METTL22: variants seen among roughly 807,000 people sequenced by gnomAD.
The protein encoded by METTL22 is methyltransferase-like protein 22.
A neutral mutation model predicts 48.4 loss-of-function variants in METTL22; 51 were observed. The ratio of observed to expected loss-of-function variants is 1.05; its 90% confidence interval spans 0.84 to 1.33. The LOEUF is 1.33. Among genes scored for constraint, METTL22 ranks in the 40% most tolerant of loss-of-function variants. METTL22 has a pLI of 0.00. For synonymous variants in METTL22, 255 were observed against 214.1 expected (o/e 1.19, Z -1.67); for missense variants, 678 against 526.9 (o/e 1.29, Z -2.81).
At chr16:8,631,565 T>C (rs1297556454) in intron 3 of METTL22, 2 of 152,216 alleles carry the variant, frequency 1.3e-5, no homozygotes, top group Non-Finnish European at 2.9e-5. Flanking sequence ...ACGGATTCAG[T>C]GTTCCGTAAA....
At chr16:8,658,843 C>G in the METTL22 span, among the ~76,000 whole-genome samples, 1 of 152,174 alleles carries the variant, frequency 6.6e-6, no homozygotes, top group Non-Finnish European at 1.5e-5. Flanking sequence ...CCTCCAAGGC[C>G]TGGCCCCTGC....
At chr16:8,651,046 G>GA (rs1395840079), downstream of METTL22, among the ~76,000 whole-genome samples, 10 of 149,672 alleles carry the variant, frequency 6.7e-5, no homozygotes, top group South Asian at 8.4e-4. Context: ...TAAATAAATG[G>GA]GAAAAAAAGA....
chr16:8,649,887 G>T (rs2056868769), downstream of METTL22, among the ~76,000 whole-genome samples: 1 of 152,092 alleles, frequency 6.6e-6, no homozygotes, highest in South Asian at 2.1e-4. Flanking sequence ...AATCACTTGG[G>T]ATCTTGTCAA....
the METTL22 span, among the ~76,000 whole-genome samples, chr16:8,663,835 G>T: frequency 1.3e-5 from 2 of 151,962 alleles, no homozygotes; most frequent in Non-Finnish European, 2.9e-5. Context: ...AGGTTTCTCA[G>T]TCTCAGCACT....
intron 3 of METTL22, among the ~76,000 whole-genome samples, chr16:8,629,799 C>A (rs920902395): frequency 1.3e-5 from 2 of 152,090 alleles, no homozygotes; most frequent in African/African-American, 2.4e-5. Context: ...TCTAGAAACA[C>A]CGGGAGCAGT....
chr16:8,644,666 G>A lies in METTL22; in HGVS notation c.1120G>A (p.Val374Met). 2 of 1,606,016 alleles carry A rather than the reference G, an allele frequency of 1.2e-6. No homozygotes were observed. The highest frequency in any genetic ancestry group is 1.1e-5 in the South Asian group (1 of 89,504). The change falls in exon 10 of 11, where the codon GTG becomes ATG. Residue 374 changes from valine (V) to methionine (M), a missense_variant. Transcript: ENST00000381920. ...QLADGKLRFVVEPVEASFPQL... is the reference protein window; with the variant it reads ...QLADGKLRFVMEPVEASFPQL... The stretch of plus-strand genomic sequence containing the variant: ...CGCAGATGGCAAGCTGCGCTTCGTG[G>A]TGGAGCCCGTGGAGGCCTCCTTCCC...
intron 10 of METTL22, 65 bp downstream of exon 10, chr16:8,644,790 A>C: frequency 6.9e-7 from 1 of 1,440,788 alleles, no homozygotes; most frequent in Non-Finnish European, 9.2e-7. Flanking sequence ...CTCCAGGGCA[A>C]AGAGGTGATG....
In METTL22 at chr16:8,646,091, T is replaced by C. The variant is rs2056793018; in HGVS notation, c.1180-17T>C. On this transcript the variant is annotated splice_polypyrimidine_tract_variant and intron_variant, in intron 10 of 10. Coordinates refer to ENST00000381920, the MANE Select transcript of METTL22 (RefSeq NM_024109.4). Reference sequence around the variant, plus strand: ...ATGTGCACTTCAGAAACCTGTTCTTTTCTCTGTTTGCTGCAGGAGCTCTGG... The same window carrying C: ...ATGTGCACTTCAGAAACCTGTTCTTCTCTCTGTTTGCTGCAGGAGCTCTGG... 6.2e-7 allele frequency: 1 copy of C among 1,613,348 alleles called. No homozygotes were observed. Among genetic ancestry groups the C allele is most frequent in the Non-Finnish European group, 8.5e-7 (1 of 1,180,040 alleles).
Position 8,625,677 on chromosome 16 carries a change from G to A in METTL22, c.12G>A (p.Leu4=). 13 of 1,614,114 alleles carry A rather than the reference G, an allele frequency of 8.1e-6. No individual in the cohort carries two copies. Among genetic ancestry groups the A allele is most frequent in the Non-Finnish European group, 1.1e-5 (13 of 1,180,008 alleles). The change falls in exon 2 of 11, where the codon CTG becomes CTA. Residue 4 remains leucine, a synonymous_variant. Transcript: ENST00000381920. ...GTGGAGCCTGGGCCATGGTACAGCT[G>A]GCTCCTGCGGCAGCCATGGACGAGG... MVQ[L]APAAAMDEVT...
chr16:8,633,802 CT>C (rs1297708257), intron 3 of METTL22, among the ~76,000 whole-genome samples: 3 of 152,136 alleles, frequency 2.0e-5, no homozygotes, highest in African/African-American at 7.2e-5. Flanking sequence ...AGAGAAGGTG[CT>C]TTTTTTTCTA....
chr16:8,645,971 G>A (rs1394096962), intron 10 of METTL22, 137 bp from the exon 11 acceptor site: 14 of 1,262,288 alleles, frequency 1.1e-5, no homozygotes, highest in African/African-American at 3.6e-5. Context: ...CCGCCCGTCC[G>A]CTCCTGCCCC....
intron 5 of METTL22, among the ~76,000 whole-genome samples, chr16:8,637,856 G>A (rs1339650749): frequency 6.6e-6 from 1 of 152,140 alleles, no homozygotes; most frequent in African/African-American, 2.4e-5. Context: ...TGCTGACCCT[G>A]GCCAGGCGTG....
chr16:8,666,577 T>G, the METTL22 span, among the ~76,000 whole-genome samples: 3 of 152,202 alleles, frequency 2.0e-5, no homozygotes, highest in Non-Finnish European at 2.9e-5. Context: ...TTAACACTCA[T>G]GAAATCTCTG....
chr16:8,630,216 C>T (rs933738901), intron 3 of METTL22, among the ~76,000 whole-genome samples: 2 of 152,082 alleles, frequency 1.3e-5, no homozygotes, highest in African/African-American at 2.4e-5. Flanking sequence ...AGTTACTAAG[C>T]GCCTCCACGG....
At chr16:8,624,230 G>A (rs1422146981) in intron 1 of METTL22, 1 of 152,172 alleles carries the variant, frequency 6.6e-6, no homozygotes, top group East Asian at 1.9e-4. Context: ...GGTCCCACCT[G>A]TTCTTGACCA....
intron 9 of METTL22, 193 bp from the exon 10 acceptor site, chr16:8,644,364 C>G (rs1339653517): frequency 1.5e-5 from 8 of 546,922 alleles, no homozygotes; most frequent in Middle Eastern, 4.9e-4. Flanking sequence ...GTGCTATCCA[C>G]TTCCACCTCC....
Position 8,635,219 on chromosome 16 carries a change from C to G in METTL22, c.607C>G (p.Leu203Val). 1.9e-6 allele frequency: 3 copies of G among 1,611,400 alleles called. No homozygotes were observed. Among genetic ancestry groups the G allele is most frequent in the South Asian group, 2.2e-5 (2 of 90,856 alleles). Reference sequence around the variant, plus strand: ...AGACTACATCCTGTTCCGACAGGACCTCTTCCGAGGATGTACAGCGCTGGA... The same window carrying G: ...AGACTACATCCTGTTCCGACAGGACGTCTTCCGAGGATGTACAGCGCTGGA... ...LADYILFRQD[L>V]FRGCTALELG... The change falls in exon 5 of 11, where the codon CTC becomes GTC. Residue 203 changes from leucine (L) to valine (V), a missense_variant. Coordinates refer to ENST00000381920, the MANE Select transcript of METTL22 (RefSeq NM_024109.4).
At chr16:8,623,657 C>T (rs2055939810) in intron 1 of METTL22, 2 of 152,198 alleles carry the variant, frequency 1.3e-5, no homozygotes, top group Non-Finnish European at 2.9e-5. Flanking sequence ...TTCTTTACAA[C>T]CCACTTGCAT....
rs1021585047 is a variant in METTL22, at chr16:8,649,033, A to G, written c.*2890A>G. On this transcript the variant is annotated 3_prime_UTR_variant, in exon 11 of 11. Coordinates refer to ENST00000381920, the MANE Select transcript of METTL22 (RefSeq NM_024109.4). Reference sequence around the variant, plus strand: ...TAATGAGTCTTCAAATCAGAACCCCACTAGACAGAGCCAACAACTGGCAGT... The same window carrying G: ...TAATGAGTCTTCAAATCAGAACCCCGCTAGACAGAGCCAACAACTGGCAGT... 1 of 152,188 alleles carries G rather than the reference A, an allele frequency of 6.6e-6. No homozygotes were observed. The highest frequency in any genetic ancestry group is 2.4e-5 in the African/African-American group (1 of 41,432). The allele number at this position is 152,188 out of a possible 1,614,324, so 9.4% of individuals were successfully genotyped here.
Sources: gnomAD v4.1 joint callset for allele counts (sites outside exome capture counted in the v4.1 genomes callset) on GRCh38, gnomAD v4.1.1 for gene constraint, MANE v1.5 for transcripts, NCBI Gene and HGNC (gene_info 2026-07-23, HGNC 2026-07-21) for gene names.